BIN3: variants seen among roughly 807,000 people sequenced by gnomAD.
BIN3 encodes the protein bridging integrator 3.
In BIN3, 41 loss-of-function variants were observed where a neutral mutation model predicts 38.2. That is an observed-to-expected ratio of 1.07 (90% CI 0.84 to 1.39). The LOEUF (loss-of-function observed/expected upper bound fraction) is 1.39. Ranked by LOEUF, BIN3 falls within the 40% of genes most tolerant of loss-of-function variation. BIN3 has a pLI of 0.00. For missense variants in BIN3, 361 were observed against 324.3 expected, an observed-to-expected ratio of 1.11 and a Z score of -0.87; for synonymous variants, 145 against 122.6, an observed-to-expected ratio of 1.18 and a Z score of -1.21.
At chr8:22,658,834 T>A (rs2117592449) in intron 1 of BIN3, among the ~76,000 whole-genome samples, 1 of 150,746 alleles carries the variant, frequency 6.6e-6, no homozygotes, top group East Asian at 1.9e-4. Context: ...GAGCAAAGAG[T>A]AGGCGGTGGT....
intron 8 of BIN3, among the ~76,000 whole-genome samples, chr8:22,623,155 A>G (rs552518467): frequency 1.1e-3 from 164 of 152,330 alleles, no homozygotes; most frequent in African/African-American, 3.7e-3. Flanking sequence ...GCTGTTGCTG[A>G]GCGCAAGCCA....
At chr8:22,650,149 A>G (rs917463914) in intron 1 of BIN3, among the ~76,000 whole-genome samples, 1 of 152,176 alleles carries the variant, frequency 6.6e-6, no homozygotes, top group African/African-American at 2.4e-5. Context: ...TTATGAACAA[A>G]AACTCCAATA....
intron 1 of BIN3, among the ~76,000 whole-genome samples, chr8:22,665,082 G>A (rs1803372199): frequency 1.3e-5 from 2 of 152,190 alleles, no homozygotes; most frequent in South Asian, 2.1e-4. Context: ...ATACTCAGAA[G>A]GATGCAGAAG....
chr8:22,625,012 A>C, intron 6 of BIN3: 2 of 359,646 alleles, frequency 5.6e-6, no homozygotes, highest in Admixed American at 3.9e-5. Flanking sequence ...CTCCTTGGCA[A>C]CATGAAAGCA....
At chr8:22,645,020 G>A (rs534183608) in intron 1 of BIN3, 268 of 504,748 alleles carry the variant, frequency 5.3e-4, no homozygotes, top group African/African-American at 4.6e-3. Flanking sequence ...GTCAGATGCA[G>A]GTTGCTCTGC....
chr8:22,647,703 T>G (rs1018912363), intron 1 of BIN3, among the ~76,000 whole-genome samples: 8 of 152,202 alleles, frequency 5.3e-5, no homozygotes, highest in Non-Finnish European at 1.5e-5. Flanking sequence ...AGCTCTTTCC[T>G]TGTATTTTCA....
intron 1 of BIN3, among the ~76,000 whole-genome samples, chr8:22,658,729 C>T (rs2117592064): frequency 6.6e-6 from 1 of 152,318 alleles, no homozygotes; most frequent in Non-Finnish European, 1.5e-5. Context: ...ATTCAGTCTG[C>T]CCCACCCCTT....
In BIN3 at chr8:22,623,899, C is replaced by G; in HGVS notation, c.615+16G>C. The stretch of plus-strand genomic sequence containing the variant: ...GTGTATACCAAGCCCAGGGGAAGAG[C>G]ACCTGGCGGCCTCACCTGAGCTCGG... On this transcript the variant is annotated intron_variant, in intron 8 of 8. Coordinates refer to ENST00000276416, the MANE Select transcript of BIN3 (RefSeq NM_018688.6). The G allele has an allele frequency of 6.2e-7, 1 of 1,609,612 alleles. No individual in the cohort carries two copies. Among genetic ancestry groups the G allele is most frequent in the Non-Finnish European group, 8.5e-7 (1 of 1,178,422 alleles).
intron 1 of BIN3, among the ~76,000 whole-genome samples, chr8:22,655,318 A>G (rs1318857585): frequency 6.6e-6 from 1 of 152,116 alleles, no homozygotes; most frequent in East Asian, 1.9e-4. Flanking sequence ...TTTGTTGTTC[A>G]TGCTTTTGGT....
At chr8:22,638,471 G>A (rs113226900) in intron 2 of BIN3, among the ~76,000 whole-genome samples, 16 of 152,222 alleles carry the variant, frequency 1.1e-4, no homozygotes, top group Non-Finnish European at 2.4e-4. Context: ...CACCTATTAA[G>A]TGCGATGCAT....
intron 8 of BIN3, among the ~76,000 whole-genome samples, chr8:22,622,241 G>A (rs1801848735): frequency 6.6e-6 from 1 of 152,184 alleles, no homozygotes; most frequent in Non-Finnish European, 1.5e-5. Context: ...CAGACAATAG[G>A]GGCCACTTCT....
Position 22,624,156 on chromosome 8 carries a change from G to A in BIN3, c.480+66C>T, listed in dbSNP as rs946932501. On this transcript the variant is annotated intron_variant, in intron 7 of 8. Transcript: ENST00000276416. ...TCTTGGTGCCCCCAGGTGAGGGGAG[G>A]GACTTACCACAGGTGACCACGATGG... 5 of 1,589,732 alleles carry A rather than the reference G, an allele frequency of 3.1e-6. No homozygotes were observed. In the African/African-American group the frequency reaches 5.4e-5, roughly 17 times the overall value.
chr8:22,629,496 C>T (rs1359262618), intron 6 of BIN3, among the ~76,000 whole-genome samples: 1 of 152,256 alleles, frequency 6.6e-6, no homozygotes, highest in African/African-American at 2.4e-5. Flanking sequence ...GGCCAGACCC[C>T]GCTGCCACGC....
chr8:22,641,667 A>G (rs1250744264), intron 2 of BIN3, among the ~76,000 whole-genome samples: 1 of 152,236 alleles, frequency 6.6e-6, no homozygotes, highest in Admixed American at 6.5e-5. Context: ...GCCACCTGGC[A>G]GATGAAAATC....
In BIN3 at chr8:22,628,940, G is replaced by A. The variant is rs535264700; in HGVS notation, c.338+1024C>T. 1.3e-4 allele frequency among the ~76,000 whole-genome samples: 20 copies of A among 152,346 alleles called. 1 individual carries two copies. The East Asian group carries it at 3.9e-3, about 29-fold the overall frequency. On this transcript the variant is annotated intron_variant, in intron 6 of 8. Transcript: ENST00000276416. ...CTGTCCCCAGCAGGCAGGGGGTGGTGGATGCCCACTCTGGGGAGGCTGGGG... is the reference window on the plus strand; with the variant it reads ...CTGTCCCCAGCAGGCAGGGGGTGGTAGATGCCCACTCTGGGGAGGCTGGGG...
intron 8 of BIN3, chr8:22,622,403 G>A (rs1801854376): frequency 6.6e-6 from 1 of 152,312 alleles, no homozygotes; most frequent in Admixed American, 6.5e-5. Context: ...TACTCCTGAG[G>A]CGAGATTTCC....
At chr8:22,658,916 G>A (rs1433879187) in intron 1 of BIN3, among the ~76,000 whole-genome samples, 1 of 152,236 alleles carries the variant, frequency 6.6e-6, no homozygotes, top group Non-Finnish European at 1.5e-5. Flanking sequence ...GGCAAGAGCA[G>A]GAAGGTGGGC....
intron 1 of BIN3, among the ~76,000 whole-genome samples, chr8:22,651,293 A>G (rs1478137003): frequency 6.6e-6 from 1 of 152,188 alleles, no homozygotes. Flanking sequence ...ATTCATCGTT[A>G]TCAGGTGTTC....
At chr8:22,621,928 A>G (rs1390998423) in intron 8 of BIN3, among the ~76,000 whole-genome samples, 1 of 152,254 alleles carries the variant, frequency 6.6e-6, no homozygotes, top group Non-Finnish European at 1.5e-5. Flanking sequence ...GCTTTTGTCC[A>G]TGGCAGAAAG....
Sources: gnomAD v4.1 joint callset for allele counts (sites outside exome capture counted in the v4.1 genomes callset) on GRCh38, gnomAD v4.1.1 for gene constraint, MANE v1.5 for transcripts, NCBI Gene and HGNC (gene_info 2026-07-23, HGNC 2026-07-21) for gene names.